The following SEPTIN14 variants were observed in gnomAD, a reference collection of about 807,000 sequenced individuals.
The protein encoded by SEPTIN14 is septin-14.
Under a neutral mutation model 53.6 loss-of-function variants are expected in SEPTIN14, and 40 were observed. The ratio of observed to expected loss-of-function variants is 0.75; its 90% CI spans 0.58 to 0.97. The LOEUF is 0.97. SEPTIN14 is among the 50% of genes least tolerant of loss of function. The pLI is 0.00. For synonymous variants in SEPTIN14, 138 were observed against 166.8 expected, an observed-to-expected ratio of 0.83 and a Z score of 1.33; for missense variants, 471 against 508.2, an observed-to-expected ratio of 0.93 and a Z score of 0.70.
At chr7:55,801,715 T>C (rs950610342) in intron 9 of SEPTIN14, among the ~76,000 whole-genome samples, 1 of 151,128 alleles carries the variant, frequency 6.6e-6, no homozygotes, top group Non-Finnish European at 1.5e-5. Context: ...AACTCAGGAG[T>C]TCGAGACCAG....
chr7:55,860,330 T>A (rs1400330039), intron 2 of SEPTIN14, among the ~76,000 whole-genome samples: 1 of 152,106 alleles, frequency 6.6e-6, no homozygotes, highest in Non-Finnish European at 1.5e-5. Context: ...GCTTAAAAAG[T>A]TGACCTCATA....
chr7:55,820,335 T>G (rs1055230888), intron 6 of SEPTIN14, among the ~76,000 whole-genome samples: 1 of 152,168 alleles, frequency 6.6e-6, no homozygotes, highest in Non-Finnish European at 1.5e-5. Context: ...TACTTAGCAT[T>G]TCAATTCAGA....
chr7:55,816,504 TA>T (rs1313536302), intron 7 of SEPTIN14, among the ~76,000 whole-genome samples: 1 of 151,768 alleles, frequency 6.6e-6, no homozygotes, highest in Non-Finnish European at 1.5e-5. Flanking sequence ...AATTAAAAAT[TA>T]AAAAACACAG....
At chr7:55,797,120 C>T (rs931365547) in intron 9 of SEPTIN14, among the ~76,000 whole-genome samples, 1 of 150,240 alleles carries the variant, frequency 6.7e-6, no homozygotes, top group African/African-American at 2.5e-5. Context: ...GAGACTCCAT[C>T]TCAAAAAAAG....
intron 6 of SEPTIN14, among the ~76,000 whole-genome samples, chr7:55,824,847 A>T (rs2116008253): frequency 6.6e-6 from 1 of 152,098 alleles, no homozygotes; most frequent in South Asian, 2.1e-4. Context: ...CACTGACAAC[A>T]CCAAATCCTG....
At chr7:55,818,238 G>A (rs1163832585) in intron 7 of SEPTIN14, among the ~76,000 whole-genome samples, 2 of 151,980 alleles carry the variant, frequency 1.3e-5, no homozygotes, top group African/African-American at 4.8e-5. Context: ...TTGGGAGGCC[G>A]AGGCAGGTGG....
intron 4 of SEPTIN14, among the ~76,000 whole-genome samples, chr7:55,844,223 T>C (rs1789362626): frequency 6.6e-6 from 1 of 152,138 alleles, no homozygotes; most frequent in Admixed American, 6.6e-5. Flanking sequence ...GGTGGGAATG[T>C]AAATTAGTAC....
intron 5 of SEPTIN14, among the ~76,000 whole-genome samples, chr7:55,839,904 G>T (rs1381465863): frequency 6.6e-6 from 1 of 152,128 alleles, no homozygotes; most frequent in African/African-American, 2.4e-5. Context: ...CAGCACTTTG[G>T]GAGGCCGAGG....
chr7:55,834,430 C>G lies in SEPTIN14; in HGVS notation c.715G>C (p.Val239Leu). The change falls in exon 6 of 10, where the codon GTT becomes CTT. Residue 239 changes from valine (V) to leucine (L), a missense_variant. Transcript: ENST00000388975. ...EETAAQANSS[V>L]SGLLPFAVVG... ...GATATGTTACTGAAACTTACACTAA[C>G]TGAGGAGTTCGCTTGAGCAGCAGTT... is the stretch of plus-strand genomic sequence containing the variant. The G allele has an allele frequency of 6.2e-7, 1 of 1,607,468 alleles. No homozygotes were observed. The highest frequency in any genetic ancestry group is 8.5e-7 in the Non-Finnish European group (1 of 1,177,548).
chr7:55,854,569 A>G (rs1023552848), intron 2 of SEPTIN14, among the ~76,000 whole-genome samples: 12 of 152,114 alleles, frequency 7.9e-5, no homozygotes, highest in Non-Finnish European at 1.5e-4. Context: ...AGCTGGGACC[A>G]TAGGCACCCG....
intron 7 of SEPTIN14, among the ~76,000 whole-genome samples, chr7:55,815,822 T>C (rs1788781835): frequency 6.6e-6 from 1 of 152,182 alleles, no homozygotes; most frequent in African/African-American, 2.4e-5. Context: ...AGAACTACCA[T>C]ATGATCCAGC....
At chr7:55,855,202 G>T (rs1267308563) in intron 2 of SEPTIN14, among the ~76,000 whole-genome samples, 2 of 152,052 alleles carry the variant, frequency 1.3e-5, no homozygotes, top group African/African-American at 4.8e-5. Context: ...TAGAGGTGGG[G>T]TTTCACCGTG....
At chr7:55,860,346 A>G (rs1789722281) in intron 2 of SEPTIN14, among the ~76,000 whole-genome samples, 1 of 152,144 alleles carries the variant, frequency 6.6e-6, no homozygotes, top group Non-Finnish European at 1.5e-5. Context: ...TCATAGAGGT[A>G]GAGTAGAATG....
At chr7:55,804,198 G>A (rs574274482) in intron 9 of SEPTIN14, among the ~76,000 whole-genome samples, 5 of 144,588 alleles carry the variant, frequency 3.5e-5, no homozygotes, top group Non-Finnish European at 7.5e-5. Flanking sequence ...GTCCTTAGAT[G>A]TCATGACGTA....
At chr7:55,858,134 G>A (rs1789677510) in intron 2 of SEPTIN14, among the ~76,000 whole-genome samples, 2 of 152,130 alleles carry the variant, frequency 1.3e-5, no homozygotes, top group African/African-American at 2.4e-5. Context: ...CTCTTAGGGC[G>A]CTGGTGAAAG....
At chr7:55,857,147 C>A (rs959476621) in intron 2 of SEPTIN14, among the ~76,000 whole-genome samples, 1 of 151,436 alleles carries the variant, frequency 6.6e-6, no homozygotes, top group African/African-American at 2.4e-5. Context: ...CTGAGGCAGG[C>A]GGATCACCTG....
chr7:55,850,088 A>G (rs1483835727), intron 2 of SEPTIN14, among the ~76,000 whole-genome samples: 1 of 152,238 alleles, frequency 6.6e-6, no homozygotes, highest in African/African-American at 2.4e-5. Context: ...ACAAGCAGTT[A>G]AAAGAAAAAT....
At chr7:55,828,581 G>A (rs1484143950) in intron 6 of SEPTIN14, among the ~76,000 whole-genome samples, 2 of 152,150 alleles carry the variant, frequency 1.3e-5, no homozygotes, top group Non-Finnish European at 2.9e-5. Flanking sequence ...TGGGATTACA[G>A]GCGTGAGCCA....
At chr7:55,812,945 G>A (rs1342178774) in intron 7 of SEPTIN14, among the ~76,000 whole-genome samples, 2 of 150,970 alleles carry the variant, frequency 1.3e-5, no homozygotes, top group Admixed American at 1.3e-4. Flanking sequence ...TAGTGCCCAC[G>A]ACAGGAGCCT....
Sources: allele counts gnomAD v4.1 joint callset (sites outside exome capture counted in the v4.1 genomes callset), GRCh38; gene constraint gnomAD v4.1.1; transcripts MANE v1.5; gene names NCBI Gene and HGNC (gene_info 2026-07-23, HGNC 2026-07-21).